Variants in EZH2 observed in about 807,000 individuals in gnomAD.
EZH2 encodes enhancer of zeste 2 polycomb repressive complex 2 subunit, also known as histone-lysine N-methyltransferase EZH2.
In EZH2, 18 loss-of-function variants were observed where a neutral mutation model predicts 98.4. The observed-to-expected ratio is 0.18, with a 90% CI of 0.13 to 0.27. The LOEUF (loss-of-function observed/expected upper bound fraction) is 0.27, where lower values mean the gene tolerates loss of function less well. Among genes scored for constraint, EZH2 ranks in the 10% least tolerant of loss-of-function variants. EZH2 has a pLI of 1.00. For synonymous variants in EZH2, 338 were observed against 312.3 expected (o/e 1.08, Z -0.87); for missense variants, 470 against 935.1 (o/e 0.50, Z 6.49).
At chr7:148,838,378 A>C (rs1811463131) in intron 3 of EZH2, among the ~76,000 whole-genome samples, 1 of 152,050 alleles carries the variant, frequency 6.6e-6, no homozygotes, top group Non-Finnish European at 1.5e-5. Context: ...AACCTACTTA[A>C]TCCTAGGTTA....
At chr7:148,873,557 ATTTTTTTTTT>A (rs58553084) in intron 1 of EZH2, among the ~76,000 whole-genome samples, 59 of 79,952 alleles carry the variant, frequency 7.4e-4, no homozygotes, top group Admixed American at 6.6e-3. Flanking sequence ...CATGCTCTTC[ATTTTTTTTTT>A]TTTTTTTTTT....
At chr7:148,839,754 T>C (rs1418981534) in intron 3 of EZH2, among the ~76,000 whole-genome samples, 1 of 151,976 alleles carries the variant, frequency 6.6e-6, no homozygotes, top group Non-Finnish European at 1.5e-5. Context: ...ACCATGTTGG[T>C]CAGGGTGGTC....
intron 13 of EZH2, among the ~76,000 whole-genome samples, 172 bp downstream of exon 13, chr7:148,815,334 A>G (rs1804254458): frequency 6.6e-6 from 1 of 152,220 alleles, no homozygotes; most frequent in Non-Finnish European, 1.5e-5. Context: ...ACTTTACAGA[A>G]GAGAATTGAC....
At chr7:148,833,224 C>T (rs1055801015) in intron 3 of EZH2, among the ~76,000 whole-genome samples, 5 of 151,924 alleles carry the variant, frequency 3.3e-5, no homozygotes, top group African/African-American at 1.2e-4. Context: ...TTTGGGAGGC[C>T]GAGACGGGCG....
At chr7:148,815,427 T>G (rs542749763) in intron 13 of EZH2, 79 bp downstream of exon 13, 1 of 1,421,256 alleles carries the variant, frequency 7.0e-7, no homozygotes, top group Non-Finnish European at 1.0e-6. Flanking sequence ...CAAGCTCTAA[T>G]CCAGTTACTA....
chr7:148,882,353 C>G (rs1291977929), intron 1 of EZH2, among the ~76,000 whole-genome samples: 1 of 152,168 alleles, frequency 6.6e-6, no homozygotes, highest in African/African-American at 2.4e-5. Flanking sequence ...TCACTTTCCA[C>G]AAAAACGAGA....
At chr7:148,872,207 T>A (rs2129492353) in intron 1 of EZH2, among the ~76,000 whole-genome samples, 1 of 152,302 alleles carries the variant, frequency 6.6e-6, no homozygotes, top group South Asian at 2.1e-4. Flanking sequence ...CTCAATGACA[T>A]TATGCTAAGC....
Position 148,848,893 on chromosome 7 carries a change from T to G in EZH2, c.-7-1588A>C, listed in dbSNP as rs549081052. ...TCCGTGATATAAAGTGGTGTAATAT[T>G]TGCATATCACCTATGCATAGCCTCC... On this transcript the variant is annotated intron_variant, in intron 1 of 19. Transcript: ENST00000320356. Among the ~76,000 whole-genome samples, 7 of 152,232 alleles carry G rather than the reference T, an allele frequency of 4.6e-5. No homozygotes were observed. The East Asian group carries it at 1.3e-3, about 29-fold the overall frequency.
rs149392366 is a variant in EZH2, at chr7:148,874,148, G to C, written c.-8+10016C>G. 3.0e-3 allele frequency among the ~76,000 whole-genome samples: 462 copies of C among 152,328 alleles called. 2 individuals carry two copies. Among genetic ancestry groups the C allele is most frequent in the African/African-American group, 0.01 (432 of 41,574 alleles). On this transcript the variant is annotated intron_variant, in intron 1 of 19. Coordinates refer to ENST00000320356, the MANE Select transcript of EZH2 (RefSeq NM_004456.5). ...TGCCTGTAATCCCAGCACTTTGGGA[G>C]GCCAAGATGGGAACATCGCTTGAGC... is the stretch of plus-strand genomic sequence containing the variant.
At chr7:148,876,820 T>TG (rs1305208845) in intron 1 of EZH2, among the ~76,000 whole-genome samples, 31 of 152,242 alleles carry the variant, frequency 2.0e-4, no homozygotes, top group African/African-American at 7.5e-4. Flanking sequence ...TTCAGGGAAG[T>TG]GGGGTGGTAT....
intron 1 of EZH2, among the ~76,000 whole-genome samples, chr7:148,860,333 A>G (rs1585232880): frequency 8.9e-5 from 1 of 11,184 alleles, no homozygotes; most frequent in African/African-American, 3.5e-3. Context: ...GGCATAGAAG[A>G]AAAAAAAAAA....
At chr7:148,856,902 G>A (rs1816911873) in intron 1 of EZH2, among the ~76,000 whole-genome samples, 1 of 152,194 alleles carries the variant, frequency 6.6e-6, no homozygotes, top group Non-Finnish European at 1.5e-5. Flanking sequence ...TTCTGGGAGG[G>A]AGAATTCAAT....
At chr7:148,823,399 C>T (rs1231154396) in intron 8 of EZH2, among the ~76,000 whole-genome samples, 1 of 152,148 alleles carries the variant, frequency 6.6e-6, no homozygotes, top group African/African-American at 2.4e-5. Flanking sequence ...TGCAGCTATA[C>T]AGATAAAGCT....
Position 148,807,581 on chromosome 7 carries a change from A to G in EZH2, c.*65T>C. On this transcript the variant is annotated 3_prime_UTR_variant, in exon 20 of 20. Transcript: ENST00000320356. ...TGCATGTTCTTTTTCTAAATTGCCC[A>G]CAGTACTCGAGGTTCCTGAAGCTAA... 1 of 1,283,774 alleles carries G rather than the reference A, an allele frequency of 7.8e-7. No homozygotes were observed. The highest frequency in any genetic ancestry group is 1.1e-6 in the Non-Finnish European group (1 of 900,894). 79.5% of individuals were successfully genotyped at this position (1,283,774 alleles called of 1,614,324 possible).
intron 1 of EZH2, among the ~76,000 whole-genome samples, chr7:148,869,324 T>C (rs985938851): frequency 1.4e-5 from 2 of 147,318 alleles, no homozygotes; most frequent in African/African-American, 2.5e-5. Flanking sequence ...AAGGACCCTA[T>C]AGGCAGCAAT....
At chr7:148,857,028 T>TA (rs1466480870) in intron 1 of EZH2, among the ~76,000 whole-genome samples, 2 of 152,232 alleles carry the variant, frequency 1.3e-5, no homozygotes, top group Non-Finnish European at 2.9e-5. Flanking sequence ...TGAGCAATGG[T>TA]AAGTACTGCT....
At chr7:148,846,666 A>C in intron 2 of EZH2, 68 bp from the exon 3 acceptor site, 1 of 1,407,578 alleles carries the variant, frequency 7.1e-7, no homozygotes, top group Non-Finnish European at 9.7e-7. Context: ...TAACACCTGT[A>C]AAGCAGGTTA....
At chr7:148,820,596 T>C (rs1805767144) in intron 8 of EZH2, among the ~76,000 whole-genome samples, 1 of 147,140 alleles carries the variant, frequency 6.8e-6, no homozygotes, top group East Asian at 2.0e-4. Context: ...AGAAGAAAAA[T>C]TCAAGGCTCA....
intron 8 of EZH2, among the ~76,000 whole-genome samples, chr7:148,821,281 A>G (rs1806006806): frequency 6.6e-6 from 1 of 152,176 alleles, no homozygotes. Context: ...ACAAAACAGA[A>G]GACAAAATGT....
Sources: allele counts gnomAD v4.1 joint callset (sites outside exome capture counted in the v4.1 genomes callset), GRCh38; gene constraint gnomAD v4.1.1; transcripts MANE v1.5; gene names NCBI Gene and HGNC (gene_info 2026-07-23, HGNC 2026-07-21).